Variants in PSG2 observed in about 807,000 individuals in gnomAD.
The protein encoded by PSG2 is pregnancy-specific beta-1-glycoprotein 2.
In PSG2, 49 loss-of-function variants were observed where a neutral mutation model predicts 36.2. The ratio of observed to expected loss-of-function variants is 1.35; its 90% confidence interval spans 1.08 to 1.72. The LOEUF is 1.72. Among genes scored for constraint, PSG2 ranks in the 40% most tolerant of loss-of-function variants. The probability of loss-of-function intolerance (pLI) is 0.00; values close to 1 mark genes in which losing one functional copy is unlikely to be tolerated. For missense variants in PSG2, 605 were observed against 407.2 expected (o/e 1.49, Z -4.18); for synonymous variants, 261 against 155.6 (o/e 1.68, Z -5.04).
In PSG2 at chr19:43,072,098, C is replaced by G. The variant is rs866984808; in HGVS notation, c.710-144G>C. 53 of 1,392,990 alleles carry G rather than the reference C, an allele frequency of 3.8e-5. 1 individual carries two copies. In the South Asian group the frequency reaches 4.6e-4, roughly 12 times the overall value. The allele number at this position is 1,392,990 out of a possible 1,614,324, so 86.3% of individuals were successfully genotyped here. On this transcript the variant is annotated intron_variant, in intron 3 of 5. Transcript: ENST00000406487. The stretch of plus-strand genomic sequence containing the variant: ...CCCCCTCTATGTTCACTGAGCCGAA[C>G]CCTGAAGTATTCACCTGTTTCTCCC...
At chr19:43,073,722 G>T (rs1478737840) in intron 3 of PSG2, among the ~76,000 whole-genome samples, 1 of 151,618 alleles carries the variant, frequency 6.6e-6, no homozygotes, top group Non-Finnish European at 1.5e-5. Flanking sequence ...TTTCAGTTAT[G>T]CAAGGTAGGG....
chr19:43,080,000 G>A (rs1274883307), intron 2 of PSG2, among the ~76,000 whole-genome samples: 11 of 151,672 alleles, frequency 7.3e-5, no homozygotes, highest in South Asian at 4.1e-4. Context: ...AATGGACTGT[G>A]GCTTTTCATG....
At chr19:43,081,578 C>T (rs550531854) in intron 1 of PSG2, among the ~76,000 whole-genome samples, 4 of 151,608 alleles carry the variant, frequency 2.6e-5, no homozygotes, top group African/African-American at 9.7e-5. Context: ...TCAGGGTATC[C>T]TAAGACTTCT....
chr19:43,074,210 G>A (rs189902613), intron 3 of PSG2, among the ~76,000 whole-genome samples: 92 of 151,514 alleles, frequency 6.1e-4, no homozygotes, highest in African/African-American at 8.5e-4. Context: ...GATTTAGGAC[G>A]GAGTTTTCTA....
At chr19:43,070,085 T>A (rs1967794904) in intron 4 of PSG2, among the ~76,000 whole-genome samples, 1 of 151,606 alleles carries the variant, frequency 6.6e-6, no homozygotes, top group South Asian at 2.1e-4. Flanking sequence ...CCATGCAAAG[T>A]TCCTCAGCAT....
At chr19:43,068,937 A>C (rs1967779385) in intron 4 of PSG2, among the ~76,000 whole-genome samples, 1 of 151,720 alleles carries the variant, frequency 6.6e-6, no homozygotes, top group Non-Finnish European at 1.5e-5. Flanking sequence ...TTCTGTTTAT[A>C]GATAACTTGA....
At chr19:43,080,419 G>A (rs1967954382) in intron 2 of PSG2, among the ~76,000 whole-genome samples, 1 of 151,840 alleles carries the variant, frequency 6.6e-6, no homozygotes, top group East Asian at 1.9e-4. Flanking sequence ...CCCTGCCCAT[G>A]AAGCCACAAC....
At chr19:43,082,454 C>T in intron 1 of PSG2, 52 bp downstream of exon 1, 1 of 1,595,158 alleles carries the variant, frequency 6.3e-7, no homozygotes, top group East Asian at 2.2e-5. Flanking sequence ...GAGACCCCAT[C>T]CAGTCACTCT....
At chr19:43,065,917 A>G (rs911270943) in intron 5 of PSG2, 2 of 152,180 alleles carry the variant, frequency 1.3e-5, no homozygotes, top group Non-Finnish European at 2.9e-5. Flanking sequence ...CATTGGAACT[A>G]AGAATTTTAT....
intron 3 of PSG2, chr19:43,072,440 A>G: frequency 1.2e-6 from 2 of 1,611,984 alleles, no homozygotes; most frequent in Non-Finnish European, 1.7e-6. Context: ...ATTTCTCGTG[A>G]CACTGGGTAG....
chr19:43,075,262 T>C (rs1967876355), intron 3 of PSG2, 92 bp downstream of exon 3: 8 of 1,610,462 alleles, frequency 5.0e-6, no homozygotes, highest in African/African-American at 2.7e-5. Context: ...AAGGTCTCTG[T>C]ACTTGGACCT....
intron 5 of PSG2, chr19:43,065,772 G>C (rs922751920): frequency 6.6e-6 from 1 of 151,882 alleles, no homozygotes; most frequent in African/African-American, 2.4e-5. Flanking sequence ...CATAGGTTGT[G>C]TTCTGAGTCT....
intron 3 of PSG2, among the ~76,000 whole-genome samples, 177 bp from the exon 4 acceptor site, chr19:43,072,131 G>C (rs1967827765): frequency 6.6e-6 from 1 of 151,566 alleles, no homozygotes; most frequent in African/African-American, 2.4e-5. Context: ...CCCACCACAA[G>C]ATGTGGGCCC....
At position 43,071,866 on chromosome 19, in the gene PSG2, G is replaced by T; in HGVS notation, c.798C>A (p.Asn266Lys). 6.2e-7 allele frequency: 1 copy of T among 1,613,132 alleles called. No homozygotes were observed. Among genetic ancestry groups the T allele is most frequent in the South Asian group, 1.1e-5 (1 of 91,042 alleles). Residue 266 changes from asparagine to lysine, a missense_variant, in exon 4 of 6, where the codon AAC (asparagine) becomes AAA (lysine). Physicochemically the swap from Asn to Lys is moderately conservative, Grantham distance 94. Coordinates refer to ENST00000406487, the MANE Select transcript of PSG2 (RefSeq NM_031246.4). ...TTGTCCAAGAATACTGTGCCGGTGG[G>T]TTAGAGTTCGCGAAGCAAGACAAGT... ...NLYLSCFANS[N>K]PPAQYSWTIN...
chr19:43,072,613 G>C, intron 3 of PSG2: 6 of 1,611,552 alleles, frequency 3.7e-6, no homozygotes, highest in Non-Finnish European at 5.1e-6. Context: ...TGGTGATTTA[G>C]GGCTTGGGCA....
chr19:43,071,407 G>C (rs574958342), intron 4 of PSG2, among the ~76,000 whole-genome samples: 14 of 151,756 alleles, frequency 9.2e-5, no homozygotes, highest in Admixed American at 4.6e-4. Context: ...TTGATCTTGA[G>C]GACACTCCTT....
chr19:43,080,366 GAC>G (rs1967953837), intron 2 of PSG2, among the ~76,000 whole-genome samples: 1 of 151,812 alleles, frequency 6.6e-6, no homozygotes, highest in Non-Finnish European at 1.5e-5. Flanking sequence ...AGCTCCAGGA[GAC>G]ACAGTCCTCA....
chr19:43,072,487 G>C (rs61649983), intron 3 of PSG2: 141,000 of 1,608,642 alleles, frequency 0.088, 8,203 homozygotes, highest in Middle Eastern at 0.11. Context: ...GCTTTACCCT[G>C]GGACTGACCG....
intron 2 of PSG2, among the ~76,000 whole-genome samples, chr19:43,078,781 C>G (rs1967931655): frequency 6.6e-6 from 1 of 151,628 alleles, no homozygotes; most frequent in African/African-American, 2.4e-5. Flanking sequence ...ATCACCATTT[C>G]AATAATTTTT....
Sources: allele counts gnomAD v4.1 joint callset (sites outside exome capture counted in the v4.1 genomes callset), GRCh38; gene constraint gnomAD v4.1.1; transcripts MANE v1.5; gene names NCBI Gene and HGNC (gene_info 2026-07-23, HGNC 2026-07-21).